The following PDE1A variants were observed in gnomAD, a reference collection of about 807,000 sequenced individuals.
The protein encoded by PDE1A is phosphodiesterase 1A, also known as dual specificity calcium/calmodulin-dependent 3',5'-cyclic nucleotide phosphodiesterase 1A.
PDE1A carries 35 observed loss-of-function variants against 61.7 expected under a neutral mutation model. That is an observed-to-expected ratio of 0.57 (90% CI 0.43 to 0.75). The LOEUF (loss-of-function observed/expected upper bound fraction) is 0.75, where lower values mean the gene tolerates loss of function less well. Among genes scored for constraint, PDE1A ranks in the 30% least tolerant of loss-of-function variants. The pLI is 0.00. For synonymous variants in PDE1A, 232 were observed against 213.2 expected (o/e 1.09, Z -0.77); for missense variants, 597 against 630.6 (o/e 0.95, Z 0.57).
At chr2:182,426,504 C>G in intron 1 of PDE1A, 74 bp downstream of exon 1, 1 of 1,077,840 alleles carries the variant, frequency 9.3e-7, no homozygotes, top group Non-Finnish European at 1.4e-6. Flanking sequence ...TGGCAGAATC[C>G]CCAAATTAAG....
chr2:182,503,040 T>TACACACAC (rs35067674), intron 2 of PDE1A, among the ~76,000 whole-genome samples: 1,478 of 96,990 alleles, frequency 0.015, 16 homozygotes, highest in African/African-American at 0.022. Flanking sequence ...CATTCTTTCT[T>TACACACAC]ACACACACAC....
chr2:182,647,927 A>T, the PDE1A span, among the ~76,000 whole-genome samples: 1 of 152,202 alleles, frequency 6.6e-6, no homozygotes, highest in African/African-American at 2.4e-5. Flanking sequence ...AGGAAAAAAA[A>T]AGGCACAGGA....
At chr2:182,372,696 C>A (rs1012089991) in intron 1 of PDE1A, among the ~76,000 whole-genome samples, 1 of 152,096 alleles carries the variant, frequency 6.6e-6, no homozygotes, top group Non-Finnish European at 1.5e-5. Flanking sequence ...GTCCAAATTC[C>A]AAAGTTATTC....
the PDE1A span, among the ~76,000 whole-genome samples, chr2:182,646,671 T>G: frequency 1.3e-5 from 2 of 149,892 alleles, no homozygotes; most frequent in African/African-American, 2.5e-5. Flanking sequence ...GTGACAGAGC[T>G]AGACTCCATC....
the PDE1A span, among the ~76,000 whole-genome samples, chr2:182,632,588 T>C: frequency 2.3e-3 from 352 of 152,252 alleles, 3 homozygotes; most frequent in African/African-American, 8.1e-3. Flanking sequence ...CATACCTTCT[T>C]TCCTCCACTG....
chr2:182,712,950 C>T, the PDE1A span, among the ~76,000 whole-genome samples: 2 of 152,108 alleles, frequency 1.3e-5, no homozygotes, highest in African/African-American at 2.4e-5. Context: ...AAGGCCCAAA[C>T]TCCTTAAAAT....
chr2:182,515,308 A>G (rs796674340), intron 2 of PDE1A, among the ~76,000 whole-genome samples: 2 of 152,344 alleles, frequency 1.3e-5, no homozygotes, highest in African/African-American at 4.8e-5. Flanking sequence ...TGTGTCTAAC[A>G]TTGTACCTGA....
chr2:182,172,364 G>GA (rs1260197102), intron 13 of PDE1A, among the ~76,000 whole-genome samples: 2 of 151,916 alleles, frequency 1.3e-5, no homozygotes, highest in Admixed American at 6.6e-5. Context: ...GGTACACAGG[G>GA]GGTCTCTGTA....
the PDE1A span, among the ~76,000 whole-genome samples, chr2:182,596,070 A>C: frequency 6.6e-6 from 1 of 152,254 alleles, no homozygotes; most frequent in African/African-American, 2.4e-5. Flanking sequence ...TCAAAAGCTA[A>C]AACAGCAACA....
chr2:182,552,788 A>C, the PDE1A span, among the ~76,000 whole-genome samples: 1 of 152,046 alleles, frequency 6.6e-6, no homozygotes, highest in African/African-American at 2.4e-5. Flanking sequence ...CCCCCTTTGG[A>C]CCCCCTCCCT....
At chr2:182,523,350 T>A (rs965711039), upstream of PDE1A, among the ~76,000 whole-genome samples, 1 of 152,036 alleles carries the variant, frequency 6.6e-6, no homozygotes, top group Non-Finnish European at 1.5e-5. Flanking sequence ...GTTTGCGGCT[T>A]GTGCATTTTA....
intron 13 of PDE1A, among the ~76,000 whole-genome samples, chr2:182,154,880 A>G (rs750887200): frequency 1.3e-5 from 2 of 152,130 alleles, no homozygotes; most frequent in African/African-American, 2.4e-5. Flanking sequence ...TCTACTTTCA[A>G]TGTGGAATTT....
chr2:182,543,474 G>A, the PDE1A span, among the ~76,000 whole-genome samples: 2 of 152,046 alleles, frequency 1.3e-5, no homozygotes, highest in Non-Finnish European at 2.9e-5. Flanking sequence ...TCCAACCCAG[G>A]GTTTAAAATT....
At chr2:182,584,832 G>A in the PDE1A span, among the ~76,000 whole-genome samples, 1 of 152,190 alleles carries the variant, frequency 6.6e-6, no homozygotes, top group South Asian at 2.1e-4. Flanking sequence ...GCTATCTTGA[G>A]CACAGGAGGA....
chr2:182,211,861 AC>A (rs1687629686), intron 7 of PDE1A, among the ~76,000 whole-genome samples: 1 of 152,130 alleles, frequency 6.6e-6, no homozygotes, highest in Non-Finnish European at 1.5e-5. Flanking sequence ...GTATTTTGCA[AC>A]CCTGCTATAA....
intron 10 of PDE1A, among the ~76,000 whole-genome samples, chr2:182,195,418 G>A (rs1293838802): frequency 6.6e-6 from 1 of 152,034 alleles, no homozygotes; most frequent in Non-Finnish European, 1.5e-5. Flanking sequence ...CCCACTCCTG[G>A]AAGAATGAGA....
At chr2:182,401,594 C>G (rs1702001218) in intron 1 of PDE1A, among the ~76,000 whole-genome samples, 1 of 152,200 alleles carries the variant, frequency 6.6e-6, no homozygotes, top group Non-Finnish European at 1.5e-5. Flanking sequence ...TGGAAGCATT[C>G]TCTCTGAAAA....
chr2:182,342,709 A>C (rs1179120928), intron 1 of PDE1A, among the ~76,000 whole-genome samples: 4 of 152,202 alleles, frequency 2.6e-5, no homozygotes, highest in African/African-American at 9.6e-5. Flanking sequence ...ACAAACACAC[A>C]CAAAAAAACT....
intron 1 of PDE1A, among the ~76,000 whole-genome samples, chr2:182,379,857 T>C (rs1311290811): frequency 6.6e-6 from 1 of 152,190 alleles, no homozygotes; most frequent in Non-Finnish European, 1.5e-5. Context: ...TCCAGGGACT[T>C]GGAGGAGCCC....
Sources: gnomAD v4.1 joint callset for allele counts (sites outside exome capture counted in the v4.1 genomes callset) on GRCh38, gnomAD v4.1.1 for gene constraint, MANE v1.5 for transcripts, NCBI Gene and HGNC (gene_info 2026-07-23, HGNC 2026-07-21) for gene names.